Variants in PRKACB observed in about 807,000 individuals in gnomAD.
PRKACB encodes the protein cAMP-dependent protein kinase catalytic subunit beta.
A neutral mutation model predicts 51.4 loss-of-function variants in PRKACB; 16 were observed. The ratio of observed to expected loss-of-function variants is 0.31; its 90% CI spans 0.21 to 0.47. The LOEUF (loss-of-function observed/expected upper bound fraction) is 0.47, where lower values mean the gene tolerates loss of function less well. Among genes scored for constraint, PRKACB ranks in the 20% least tolerant of loss-of-function variants. PRKACB has a pLI of 1.00. For missense variants in PRKACB, 309 were observed against 464.5 expected (o/e 0.67, Z 3.08); for synonymous variants, 147 against 154.4 (o/e 0.95, Z 0.35).
chr1:84,152,896 T>C (rs1400762142), intron 1 of PRKACB, among the ~76,000 whole-genome samples: 1 of 152,186 alleles, frequency 6.6e-6, no homozygotes, highest in Non-Finnish European at 1.5e-5. Context: ...TCAGCTTGGC[T>C]GTATGGTGCA....
chr1:84,090,142 C>T (rs1303882952), intron 1 of PRKACB, among the ~76,000 whole-genome samples: 1 of 152,210 alleles, frequency 6.6e-6, no homozygotes, highest in African/African-American at 2.4e-5. Context: ...CTCTGATCAA[C>T]TCTGTCTCTC....
In PRKACB at chr1:84,163,871, A is replaced by G. The variant is rs553386875; in HGVS notation, c.188-15306A>G. ...GTTCTACTTAACAAGGAACCATTCT[A>G]TAGATTCTTTGTACCATTTTGGTAC... On this transcript the variant is annotated intron_variant, in intron 1 of 9. Coordinates refer to ENST00000370685, the MANE Select transcript of PRKACB (RefSeq NM_182948.4). Among the ~76,000 whole-genome samples the G allele has an allele frequency of 2.1e-4, 32 of 152,108 alleles. 1 individual carries two copies. The South Asian group carries it at 4.1e-3, about 20-fold the overall frequency.
intron 1 of PRKACB, among the ~76,000 whole-genome samples, chr1:84,153,118 C>CTTAG (rs1655039506): frequency 6.6e-6 from 1 of 152,006 alleles, no homozygotes; most frequent in African/African-American, 2.4e-5. Context: ...AAATGGGGGA[C>CTTAG]TAGCTGGTGA....
At chr1:84,123,193 A>G (rs1373271633) in intron 1 of PRKACB, among the ~76,000 whole-genome samples, 5 of 152,200 alleles carry the variant, frequency 3.3e-5, no homozygotes, top group Non-Finnish European at 7.3e-5. Flanking sequence ...AGAATACCAC[A>G]TAGTGATGTA....
intron 1 of PRKACB, among the ~76,000 whole-genome samples, chr1:84,103,319 G>C (rs1649492287): frequency 6.6e-6 from 1 of 150,948 alleles, no homozygotes; most frequent in Admixed American, 6.7e-5. Context: ...TTGAGGCTCT[G>C]TCCTCTTTTA....
chr1:84,150,147 G>A (rs956709859), intron 1 of PRKACB, among the ~76,000 whole-genome samples: 33 of 151,730 alleles, frequency 2.2e-4, no homozygotes, highest in African/African-American at 6.0e-4. Flanking sequence ...GTGTGGTGGC[G>A]CACACCTGTA....
At chr1:84,109,973 C>G (rs1403766452) in intron 1 of PRKACB, among the ~76,000 whole-genome samples, 2 of 151,522 alleles carry the variant, frequency 1.3e-5, no homozygotes, top group African/African-American at 4.8e-5. Flanking sequence ...ATGGCTTTTG[C>G]CTTTGGTATC....
At chr1:84,128,738 A>T (rs1651884954) in intron 1 of PRKACB, among the ~76,000 whole-genome samples, 1 of 152,172 alleles carries the variant, frequency 6.6e-6, no homozygotes, top group African/African-American at 2.4e-5. Context: ...AGGAAACCAA[A>T]GATTATAGAG....
At position 84,235,241 on chromosome 1, in the gene PRKACB, A is replaced by C; in HGVS notation, c.1133A>C (p.Tyr378Ser). 1 of 1,614,036 alleles carries C rather than the reference A, an allele frequency of 6.2e-7. No individual in the cohort carries two copies. ...GSGDTSNFDD[Y>S]EEEDIRVSIT... ...GGAGATACCAGCAACTTTGATGACT[A>C]TGAAGAAGAAGATATCCGTGTCTCT... is the stretch of plus-strand genomic sequence containing the variant. The change falls in exon 10 of 10, where the codon TAT becomes TCT. Residue 378 changes from tyrosine (Y) to serine (S), a missense_variant. By Grantham distance (144) the Tyr-to-Ser change is moderately radical. Coordinates refer to ENST00000370685, the MANE Select transcript of PRKACB (RefSeq NM_182948.4).
At chr1:84,194,483 A>G (rs1332541558) in intron 5 of PRKACB, among the ~76,000 whole-genome samples, 1 of 152,216 alleles carries the variant, frequency 6.6e-6, no homozygotes, top group Non-Finnish European at 1.5e-5. Context: ...CAAATGAGGC[A>G]TTATAATTCT....
chr1:84,196,723 A>G lies in PRKACB; in HGVS notation c.668A>G (p.Asp223Gly). 6.2e-7 allele frequency: 1 copy of G among 1,612,714 alleles called. No individual in the cohort carries two copies. The highest frequency in any genetic ancestry group is 1.1e-5 in the South Asian group (1 of 91,048). ...CTAAAACCTGAAAATCTCTTAATTG[A>G]CCATCAAGGCTATATCCAGGTATGA... is the stretch of plus-strand genomic sequence containing the variant. ...RDLKPENLLI[D>G]HQGYIQVTDF... is the part of the protein sequence containing the mutation. Residue 223 changes from aspartate (D) to glycine (G), a missense_variant, in exon 6 of 10, where the codon GAC (aspartate) becomes GGC (glycine). Transcript: ENST00000370685.
intron 9 of PRKACB, among the ~76,000 whole-genome samples, chr1:84,222,705 C>A (rs1201803269): frequency 6.6e-6 from 1 of 152,168 alleles, no homozygotes; most frequent in Admixed American, 6.5e-5. Context: ...AGTGGTAATT[C>A]CCTCAGTTTT....
At chr1:84,144,008 A>G (rs1653699606), upstream of PRKACB, among the ~76,000 whole-genome samples, 3 of 152,108 alleles carry the variant, frequency 2.0e-5, no homozygotes, top group Non-Finnish European at 4.4e-5. Flanking sequence ...GACTTGTCAT[A>G]CATGTTTAAC....
At chr1:84,159,971 T>G (rs1655983404) in intron 1 of PRKACB, among the ~76,000 whole-genome samples, 1 of 152,138 alleles carries the variant, frequency 6.6e-6, no homozygotes, top group Non-Finnish European at 1.5e-5. Flanking sequence ...ACTGCTAGAT[T>G]AAGTTTGCTG....
At chr1:84,140,491 G>A (rs1254649546), upstream of PRKACB, among the ~76,000 whole-genome samples, 1 of 152,176 alleles carries the variant, frequency 6.6e-6, no homozygotes, top group Non-Finnish European at 1.5e-5. Context: ...TTATAGTCAT[G>A]TCATTTGTCC....
Position 84,238,341 on chromosome 1 carries a change from A to G in PRKACB, c.*3036A>G, listed in dbSNP as rs984053579. ...AGCACCTTGTAAACTGTAACCTATCAATGTAAAATGTTAAGGTGTGTTGTT... is the reference window on the plus strand; with the variant it reads ...AGCACCTTGTAAACTGTAACCTATCGATGTAAAATGTTAAGGTGTGTTGTT... On this transcript the variant is annotated 3_prime_UTR_variant, in exon 10 of 10. Transcript: ENST00000370685. The G allele has an allele frequency of 7.9e-5, 12 of 152,628 alleles. No homozygotes were observed. Among genetic ancestry groups the G allele is most frequent in the Non-Finnish European group, 1.2e-4 (8 of 68,024 alleles). 9.5% of individuals were successfully genotyped at this position (152,628 alleles called of 1,614,324 possible). A position where few individuals can be genotyped will look rare whatever the true frequency, so the allele number is the denominator to read the frequency against.
chr1:84,196,999 G>C (rs575807833), intron 6 of PRKACB, among the ~76,000 whole-genome samples: 2 of 152,098 alleles, frequency 1.3e-5, no homozygotes, highest in Non-Finnish European at 2.9e-5. Context: ...CTAAATCTAT[G>C]AGCAGTTATT....
In PRKACB at chr1:84,082,060, A is replaced by G. The variant is rs562882936; in HGVS notation, c.46+3689A>G. On this transcript the variant is annotated intron_variant, in intron 1 of 8. Transcript: ENST00000370688. ...CCAGGTTCTCTAATGCTTTCCGTGTATAAACTTTTACTTACTCTTTTAAAC... is the reference window on the plus strand; with the variant it reads ...CCAGGTTCTCTAATGCTTTCCGTGTGTAAACTTTTACTTACTCTTTTAAAC... Among the ~76,000 whole-genome samples the G allele has an allele frequency of 2.0e-5, 3 of 152,362 alleles. No homozygotes were observed. The South Asian group carries it at 6.2e-4, about 32-fold the overall frequency.
At chr1:84,198,869 AC>A (rs1668977504) in intron 7 of PRKACB, among the ~76,000 whole-genome samples, 1 of 148,976 alleles carries the variant, frequency 6.7e-6, no homozygotes, top group South Asian at 2.1e-4. Flanking sequence ...ATATATATAC[AC>A]CACATATATG....
Sources: gnomAD v4.1 joint callset for allele counts (sites outside exome capture counted in the v4.1 genomes callset) on GRCh38, gnomAD v4.1.1 for gene constraint, MANE v1.5 for transcripts, NCBI Gene and HGNC (gene_info 2026-07-23, HGNC 2026-07-21) for gene names.